KIRREL3: variants seen among roughly 807,000 people sequenced by gnomAD.
KIRREL3 encodes kirre like nephrin family adhesion molecule 3, also known as kin of IRRE-like protein 3.
Under a neutral mutation model 89.7 loss-of-function variants are expected in KIRREL3, and 36 were observed. The observed-to-expected ratio is 0.40, with a 90% CI of 0.31 to 0.53. The LOEUF (loss-of-function observed/expected upper bound fraction) is 0.53, where lower values mean the gene tolerates loss of function less well. Ranked by LOEUF, KIRREL3 falls within the 20% of genes least tolerant of loss-of-function variation. The probability of loss-of-function intolerance (pLI) is 0.49; values close to 1 mark genes in which losing one functional copy is unlikely to be tolerated. For missense variants in KIRREL3, 864 were observed against 1,056.6 expected (o/e 0.82, Z 2.53); for synonymous variants, 445 against 441.4 (o/e 1.01, Z -0.10).
chr11:127,000,475 C>G lies in KIRREL3; in HGVS notation c.35G>C (p.Cys12Ser). Residue 12 changes from cysteine (C) to serine (S), a missense_variant, in exon 1 of 17, where the codon TGC (cysteine) becomes TCC (serine). Coordinates refer to ENST00000525144, the MANE Select transcript of KIRREL3 (RefSeq NM_032531.4). The surrounding 1 kb of genome is among the most constrained non-coding windows in gnomAD (Gnocchi z 7.1). Reference protein sequence around the residue: ...KPFQLDLLFVCFFLFSQELGL... With the variant: ...KPFQLDLLFVSFFLFSQELGL... ...CCTACCTTGACTGAAGAGGAAGAAGCAGACGAAGAGCAGATCGAGCTGGAA... is the reference window on the plus strand; with the variant it reads ...CCTACCTTGACTGAAGAGGAAGAAGGAGACGAAGAGCAGATCGAGCTGGAA... 6.2e-7 allele frequency: 1 copy of G among 1,608,172 alleles called. No individual in the cohort carries two copies. The highest frequency in any genetic ancestry group is 8.5e-7 in the Non-Finnish European group (1 of 1,177,316).
At chr11:127,001,531 C>A (rs1177952264), upstream of KIRREL3, among the ~76,000 whole-genome samples, 1 of 152,122 alleles carries the variant, frequency 6.6e-6, no homozygotes, top group Non-Finnish European at 1.5e-5. Context: ...CGCTCCATCA[C>A]TCTGAGCCTG....
rs1939861925 is a variant in KIRREL3 at position 126,558,389 on chromosome 11, C to T, written c.133+4446G>A. On this transcript the variant is annotated intron_variant, in intron 2 of 16. Coordinates refer to ENST00000525144, the MANE Select transcript of KIRREL3 (RefSeq NM_032531.4). This position sits in a 1 kb window ranked among gnomAD's most constrained non-coding sequence, Gnocchi z 4.0. ...TCTTCTCCCTGCCTTGCCACTTCCT[C>T]TCTTTCCAGCCACCCTGAAAAATGA... 6.6e-6 allele frequency among the ~76,000 whole-genome samples: 1 copy of T among 152,176 alleles called. No homozygotes were observed. Among genetic ancestry groups the T allele is most frequent in the Non-Finnish European group, 1.5e-5 (1 of 68,046 alleles).
intron 1 of KIRREL3, among the ~76,000 whole-genome samples, chr11:126,975,759 C>G (rs1666559748): frequency 1.3e-5 from 2 of 152,092 alleles, no homozygotes; most frequent in Non-Finnish European, 2.9e-5. Context: ...AAAAAAGCAC[C>G]CCAGTTGATT....
At position 126,697,276 on chromosome 11, in the gene KIRREL3, G is replaced by T. The variant is rs1947137385; in HGVS notation, c.56-134364C>A. On this transcript the variant is annotated intron_variant, in intron 1 of 16. Coordinates refer to ENST00000525144, the MANE Select transcript of KIRREL3 (RefSeq NM_032531.4). The surrounding 1 kb of genome is among the most constrained non-coding windows in gnomAD (Gnocchi z 4.2). ...ACAAGAAGGCGGGACTTCCTCTATTGCCCTAGGCCCTGGGGTGAACTGCAG... is the reference window on the plus strand; with the variant it reads ...ACAAGAAGGCGGGACTTCCTCTATTTCCCTAGGCCCTGGGGTGAACTGCAG... 6.6e-6 allele frequency among the ~76,000 whole-genome samples: 1 copy of T among 152,208 alleles called. No individual in the cohort carries two copies. The highest frequency in any genetic ancestry group is 2.1e-4 in the South Asian group (1 of 4,826).
At position 126,639,215 on chromosome 11, in the gene KIRREL3, A is replaced by G. The variant is rs746625206; in HGVS notation, c.56-76303T>C. 2.0e-5 allele frequency among the ~76,000 whole-genome samples: 3 copies of G among 152,212 alleles called. No homozygotes were observed. Among genetic ancestry groups the G allele is most frequent in the Non-Finnish European group, 4.4e-5 (3 of 68,038 alleles). On this transcript the variant is annotated intron_variant, in intron 1 of 16. Coordinates refer to ENST00000525144, the MANE Select transcript of KIRREL3 (RefSeq NM_032531.4). This position sits in a 1 kb window ranked among gnomAD's most constrained non-coding sequence, Gnocchi z 4.3. Reference sequence around the variant, plus strand: ...CACCTGTCAGATGAGATTTGCCTTCAAAGGCCACTGGCTCTGACCTTTTGA... The same window carrying G: ...CACCTGTCAGATGAGATTTGCCTTCGAAGGCCACTGGCTCTGACCTTTTGA...
rs1945344551 is a variant in KIRREL3 at position 126,877,762 on chromosome 11, G to A, written c.55+122693C>T. Among the ~76,000 whole-genome samples the A allele has an allele frequency of 6.6e-6, 1 of 152,140 alleles. No individual in the cohort carries two copies. The highest frequency in any genetic ancestry group is 1.5e-5 in the Non-Finnish European group (1 of 68,032). ...GCACAGGATGGTGTATAAAAATACA[G>A]GCATGACAGGAACAATGTAACAGAG... is the stretch of plus-strand genomic sequence containing the variant. On this transcript the variant is annotated intron_variant, in intron 1 of 16. Transcript: ENST00000525144. The surrounding 1 kb of genome is among the most constrained non-coding windows in gnomAD (Gnocchi z 4.9).
rs1948892505 is a variant in KIRREL3 at position 126,955,404 on chromosome 11, C to T, written c.55+45051G>A. Among the ~76,000 whole-genome samples the T allele has an allele frequency of 6.6e-6, 1 of 152,212 alleles. No individual in the cohort carries two copies. The highest frequency in any genetic ancestry group is 1.5e-5 in the Non-Finnish European group (1 of 68,028). On this transcript the variant is annotated intron_variant, in intron 1 of 16. Coordinates refer to ENST00000525144, the MANE Select transcript of KIRREL3 (RefSeq NM_032531.4). The surrounding 1 kb of genome is among the most constrained non-coding windows in gnomAD (Gnocchi z 4.6). ...AGGTTGGAGAGCATTAACAGATTTA[C>T]TCACCCAAGCCAAGGAAAGTGCTTT...
chr11:126,833,383 C>T (rs1943674455), intron 1 of KIRREL3, among the ~76,000 whole-genome samples: 1 of 152,218 alleles, frequency 6.6e-6, no homozygotes, highest in African/African-American at 2.4e-5. Flanking sequence ...TTGCCCACTG[C>T]AGGTCTGCGC....
chr11:126,616,286 AAG>A (rs5795507), intron 1 of KIRREL3, among the ~76,000 whole-genome samples: 48,250 of 151,976 alleles, frequency 0.32, 7,919 homozygotes, highest in East Asian at 0.42. Flanking sequence ...AGGAAAAGGA[AAG>A]AGGGGGAGAA....
intron 1 of KIRREL3, among the ~76,000 whole-genome samples, chr11:126,779,700 T>C (rs543882801): frequency 6.6e-6 from 1 of 152,304 alleles, no homozygotes; most frequent in South Asian, 2.1e-4. Context: ...AACAAAATTA[T>C]AATGTCCTTC....
chr11:126,730,419 A>G (rs576467301), intron 1 of KIRREL3, among the ~76,000 whole-genome samples: 1 of 152,260 alleles, frequency 6.6e-6, no homozygotes, highest in African/African-American at 2.4e-5. Context: ...CTTCCTCTCA[A>G]CCTGACTCCT....
chr11:126,985,807 G>A lies in KIRREL3; in HGVS notation c.55+14648C>T, dbSNP rs937039642. Among the ~76,000 whole-genome samples the A allele has an allele frequency of 3.9e-5, 6 of 152,156 alleles. No individual in the cohort carries two copies. Among genetic ancestry groups the A allele is most frequent in the South Asian group, 2.1e-4 (1 of 4,828 alleles). ...CTGATGATTTGGTTATTGTCACAGC[G>A]GAGCTACTGACATAGTTCAATGATG... On this transcript the variant is annotated intron_variant, in intron 1 of 16. Coordinates refer to ENST00000525144, the MANE Select transcript of KIRREL3 (RefSeq NM_032531.4). The surrounding 1 kb of genome is among the most constrained non-coding windows in gnomAD (Gnocchi z 5.3).
In KIRREL3 at chr11:126,677,721, G is replaced by T. The variant is rs1389320812; in HGVS notation, c.56-114809C>A. On this transcript the variant is annotated intron_variant, in intron 1 of 16. Transcript: ENST00000525144. The surrounding 1 kb of genome is among the most constrained non-coding windows in gnomAD (Gnocchi z 5.1). ...GGGTCCTCCCAGAATGAGTCCAGGGGAGCCCCCTGGACCAAAGCAGGACAG... is the reference window on the plus strand; with the variant it reads ...GGGTCCTCCCAGAATGAGTCCAGGGTAGCCCCCTGGACCAAAGCAGGACAG... Among the ~76,000 whole-genome samples, 2 of 152,228 alleles carry T rather than the reference G, an allele frequency of 1.3e-5. No individual in the cohort carries two copies. The highest frequency in any genetic ancestry group is 3.9e-4 in the East Asian group (2 of 5,170).
intron 1 of KIRREL3, among the ~76,000 whole-genome samples, chr11:126,770,791 A>C (rs1352679717): frequency 6.6e-6 from 1 of 152,188 alleles, no homozygotes; most frequent in Admixed American, 6.5e-5. Flanking sequence ...ACTGAAAATC[A>C]GCACTCATTG....
chr11:126,976,160 C>T lies in KIRREL3; in HGVS notation c.55+24295G>A, dbSNP rs1591411028. 6.6e-6 allele frequency among the ~76,000 whole-genome samples: 1 copy of T among 151,926 alleles called. No homozygotes were observed. The highest frequency in any genetic ancestry group is 1.5e-5 in the Non-Finnish European group (1 of 68,000). On this transcript the variant is annotated intron_variant, in intron 1 of 16. Transcript: ENST00000525144. This position sits in a 1 kb window ranked among gnomAD's most constrained non-coding sequence, Gnocchi z 4.2. Reference sequence around the variant, plus strand: ...TTGTCACCATGCCACATTGTTAGCTCATATTGAGATTTCAATAAGATAACA... The same window carrying T: ...TTGTCACCATGCCACATTGTTAGCTTATATTGAGATTTCAATAAGATAACA...
Position 126,562,010 on chromosome 11 carries a change from C to T in KIRREL3, c.133+825G>A, listed in dbSNP as rs1940161736. 6.6e-6 allele frequency among the ~76,000 whole-genome samples: 1 copy of T among 152,138 alleles called. No individual in the cohort carries two copies. Among genetic ancestry groups the T allele is most frequent in the Non-Finnish European group, 1.5e-5 (1 of 68,026 alleles). On this transcript the variant is annotated intron_variant, in intron 2 of 16. Coordinates refer to ENST00000525144, the MANE Select transcript of KIRREL3 (RefSeq NM_032531.4). This position sits in a 1 kb window ranked among gnomAD's most constrained non-coding sequence, Gnocchi z 4.7. The stretch of plus-strand genomic sequence containing the variant: ...GCCCTGGAAGGGGAGGGGTCCAGCC[C>T]ATGGCAAGCATGGCTGGTGGGAGCC...
At position 126,807,299 on chromosome 11, in the gene KIRREL3, A is replaced by G. The variant is rs1183354269; in HGVS notation, c.55+193156T>C. Reference sequence around the variant, plus strand: ...TTACAATGGAGCACAGGAAATTGCCAGGTCACTAAGGTGAATTATGGGCAC... The same window carrying G: ...TTACAATGGAGCACAGGAAATTGCCGGGTCACTAAGGTGAATTATGGGCAC... On this transcript the variant is annotated intron_variant, in intron 1 of 16. Coordinates refer to ENST00000525144, the MANE Select transcript of KIRREL3 (RefSeq NM_032531.4). The surrounding 1 kb of genome is among the most constrained non-coding windows in gnomAD (Gnocchi z 4.3). Among the ~76,000 whole-genome samples the G allele has an allele frequency of 6.6e-6, 1 of 152,230 alleles. No individual in the cohort carries two copies. The highest frequency in any genetic ancestry group is 6.5e-5 in the Admixed American group (1 of 15,292).
chr11:126,676,753 T>C lies in KIRREL3; in HGVS notation c.56-113841A>G, dbSNP rs1946207521. ...TGGCAACATGTGGTGTTGTTTTTACTACTGCAACTTTTTATTTTTCTTTAG... is the reference window on the plus strand; with the variant it reads ...TGGCAACATGTGGTGTTGTTTTTACCACTGCAACTTTTTATTTTTCTTTAG... On this transcript the variant is annotated intron_variant, in intron 1 of 16. Transcript: ENST00000525144. This position sits in a 1 kb window ranked among gnomAD's most constrained non-coding sequence, Gnocchi z 4.5. 6.6e-6 allele frequency among the ~76,000 whole-genome samples: 1 copy of C among 152,006 alleles called. No individual in the cohort carries two copies. Among genetic ancestry groups the C allele is most frequent in the Non-Finnish European group, 1.5e-5 (1 of 68,010 alleles).
intron 1 of KIRREL3, among the ~76,000 whole-genome samples, chr11:126,932,447 G>GA (rs1033129915): frequency 2.2e-4 from 34 of 152,138 alleles, no homozygotes; most frequent in African/African-American, 8.0e-4. Context: ...CCTATTTCAA[G>GA]ACTGATTTCA....
Sources: gnomAD v4.1 joint callset for allele counts (sites outside exome capture counted in the v4.1 genomes callset) on GRCh38, gnomAD v4.1.1 for gene constraint, Gnocchi (gnomAD v3.1) non-coding constraint, MANE v1.5 for transcripts, NCBI Gene and HGNC (gene_info 2026-07-23, HGNC 2026-07-21) for gene names.